The following OSBPL2 variants were observed in gnomAD, a reference collection of about 807,000 sequenced individuals.
The protein encoded by OSBPL2 is oxysterol binding protein like 2.
In OSBPL2, 18 loss-of-function variants were observed where a neutral mutation model predicts 58.4. The ratio of observed to expected loss-of-function variants is 0.31; its 90% CI spans 0.21 to 0.46. The LOEUF is 0.46. OSBPL2 is among the 20% of genes least tolerant of loss of function. OSBPL2 has a pLI of 1.00. For synonymous variants in OSBPL2, 221 were observed against 234.1 expected, an observed-to-expected ratio of 0.94 and a Z score of 0.51; for missense variants, 461 against 616.5, an observed-to-expected ratio of 0.75 and a Z score of 2.67.
intron 13 of OSBPL2, among the ~76,000 whole-genome samples, chr20:62,293,195 T>C (rs56237636): frequency 0.38 from 57,762 of 150,512 alleles, 12,374 homozygotes; most frequent in East Asian, 0.52. Flanking sequence ...TTAAAAAAAA[T>C]ATACTGTGAA....
In OSBPL2 at chr20:62,269,861, G is replaced by A. The variant is rs931885607; in HGVS notation, c.259-2264G>A. On this transcript the variant is annotated intron_variant, in intron 4 of 13. Transcript: ENST00000313733. The surrounding 1 kb of genome is among the most constrained non-coding windows in gnomAD (Gnocchi z 4.2). ...AGTCTTGGCCACACCCATGTGCCGGGGCTGCCTCAGTTGGAATCCAGTTCT... is the reference window on the plus strand; with the variant it reads ...AGTCTTGGCCACACCCATGTGCCGGAGCTGCCTCAGTTGGAATCCAGTTCT... Among the ~76,000 whole-genome samples, 12 of 152,230 alleles carry A rather than the reference G, an allele frequency of 7.9e-5. No homozygotes were observed. Among genetic ancestry groups the A allele is most frequent in the African/African-American group, 2.9e-4 (12 of 41,462 alleles).
chr20:62,291,801 C>T lies in OSBPL2; in HGVS notation c.1340+8C>T. 7.0e-7 allele frequency: 1 copy of T among 1,426,672 alleles called. No homozygotes were observed. The highest frequency in any genetic ancestry group is 3.2e-5 in the East Asian group (1 of 31,686). The allele number at this position is 1,426,672 out of a possible 1,614,324, so 88.4% of individuals were successfully genotyped here. Reference sequence around the variant, plus strand: ...GGCAGAGTGGCAGACGAGGTGAGTACTGTGGTAGCCACGCAGGCTGGGGCA... The same window carrying T: ...GGCAGAGTGGCAGACGAGGTGAGTATTGTGGTAGCCACGCAGGCTGGGGCA... On this transcript the variant is annotated splice_region_variant and intron_variant, in intron 13 of 13. Transcript: ENST00000313733.
chr20:62,248,573 C>A (rs1980307883), intron 1 of OSBPL2, among the ~76,000 whole-genome samples: 2 of 152,338 alleles, frequency 1.3e-5, no homozygotes, highest in South Asian at 4.1e-4. Context: ...TTCTGATGGA[C>A]AGAGTAACAA....
At chr20:62,248,628 G>A (rs1306428962) in intron 1 of OSBPL2, among the ~76,000 whole-genome samples, 3 of 152,206 alleles carry the variant, frequency 2.0e-5, no homozygotes, top group African/African-American at 7.2e-5. Flanking sequence ...GGTCAGCACC[G>A]GATCCCCAGT....
At position 62,294,221 on chromosome 20, in the gene OSBPL2, A is replaced by G. The variant is rs879594453; in HGVS notation, c.*334A>G. ...ACTCTCAGTCATAGCATGTGTAGCT[A>G]AAGGAAGTAATGGGAAGGGGTTCAT... On this transcript the variant is annotated 3_prime_UTR_variant, in exon 14 of 14. Transcript: ENST00000313733. The G allele has an allele frequency of 5.9e-6, 2 of 340,664 alleles. No homozygotes were observed. The highest frequency in any genetic ancestry group is 2.2e-5 in the African/African-American group (1 of 46,180). 21.1% of individuals were successfully genotyped at this position (340,664 alleles called of 1,614,324 possible).
chr20:62,268,234 G>A (rs962604175), intron 4 of OSBPL2, among the ~76,000 whole-genome samples: 2 of 152,024 alleles, frequency 1.3e-5, no homozygotes, highest in Non-Finnish European at 2.9e-5. Context: ...GTGCTTCTTC[G>A]CTGGGTGATT....
At chr20:62,256,334 T>A (rs1980921781) in intron 2 of OSBPL2, 113 bp downstream of exon 2, 2 of 904,454 alleles carry the variant, frequency 2.2e-6, no homozygotes, top group Non-Finnish European at 3.4e-6. Flanking sequence ...AGTGTGTGGG[T>A]GAGCGTTCAC....
chr20:62,286,963 C>T (rs1239216339), intron 11 of OSBPL2, among the ~76,000 whole-genome samples: 1 of 152,236 alleles, frequency 6.6e-6, no homozygotes, highest in African/African-American at 2.4e-5. Context: ...ATAGGACATG[C>T]AGGTCGAGGT....
At chr20:62,251,200 C>T (rs1980508615) in intron 1 of OSBPL2, among the ~76,000 whole-genome samples, 1 of 150,772 alleles carries the variant, frequency 6.6e-6, no homozygotes, top group Non-Finnish European at 1.5e-5. Context: ...CCTGCCACTG[C>T]GCCGGCCACC....
intron 1 of OSBPL2, among the ~76,000 whole-genome samples, chr20:62,243,829 T>G (rs1393442623): frequency 6.9e-6 from 1 of 144,484 alleles, no homozygotes; most frequent in African/African-American, 2.6e-5. Context: ...AAAATTTTTT[T>G]TCCTGTTTTT....
chr20:62,244,738 G>A (rs1165138994), intron 1 of OSBPL2, among the ~76,000 whole-genome samples: 5 of 152,266 alleles, frequency 3.3e-5, no homozygotes, highest in Non-Finnish European at 5.9e-5. Flanking sequence ...TGAGTGGGGC[G>A]CTAGGCTCCG....
Position 62,282,969 on chromosome 20 carries a change from T to G in OSBPL2, c.873-1077T>G, listed in dbSNP as rs190114055. ...CATAAAACATGTGAGGATCAACATGTGGACCTAGAAGGGACAGCAGTCTTA... is the reference window on the plus strand; with the variant it reads ...CATAAAACATGTGAGGATCAACATGGGGACCTAGAAGGGACAGCAGTCTTA... On this transcript the variant is annotated intron_variant, in intron 9 of 13. Transcript: ENST00000313733. 3.2e-3 allele frequency among the ~76,000 whole-genome samples: 483 copies of G among 152,320 alleles called. 2 individuals carry two copies. The highest frequency in any genetic ancestry group is 0.011 in the African/African-American group (471 of 41,554).
intron 7 of OSBPL2, chr20:62,280,216 G>C (rs1982693367): frequency 6.7e-6 from 6 of 889,318 alleles, no homozygotes; most frequent in Non-Finnish European, 7.7e-6. Flanking sequence ...CACCTTGCCT[G>C]ATGAAGCATT....
At chr20:62,290,411 G>GTTTTTTTTTTTTTTTTTTTTTTTT (rs3065795) in intron 12 of OSBPL2, among the ~76,000 whole-genome samples, 1 of 76,376 alleles carries the variant, frequency 1.3e-5, no homozygotes, top group Non-Finnish European at 2.3e-5. Flanking sequence ...AATTTTTTGG[G>GTTTTTTTTTTTTTTTTTTTTTTTT]TTTTTTTTTT....
intron 6 of OSBPL2, among the ~76,000 whole-genome samples, chr20:62,277,406 G>C (rs952322812): frequency 6.6e-6 from 1 of 152,372 alleles, no homozygotes; most frequent in East Asian, 1.9e-4. Flanking sequence ...ACCCGGGGCC[G>C]GAGCTCCTGC....
intron 4 of OSBPL2, among the ~76,000 whole-genome samples, chr20:62,267,698 T>C (rs1981771408): frequency 6.6e-6 from 1 of 152,176 alleles, no homozygotes; most frequent in Non-Finnish European, 1.5e-5. Context: ...AGTCCCAGTT[T>C]TCTGCAGCCC....
At chr20:62,265,499 G>A (rs1981605372) in intron 4 of OSBPL2, among the ~76,000 whole-genome samples, 1 of 152,142 alleles carries the variant, frequency 6.6e-6, no homozygotes, top group South Asian at 2.1e-4. Flanking sequence ...CACTTCCCCA[G>A]GGAGCCCATT....
intron 1 of OSBPL2, among the ~76,000 whole-genome samples, chr20:62,255,778 T>C (rs1364987276): frequency 1.3e-5 from 2 of 152,262 alleles, no homozygotes; most frequent in African/African-American, 4.8e-5. Context: ...GTGCTGGGAT[T>C]ACAGGCGTGA....
chr20:62,274,764 A>G (rs1982279516), intron 6 of OSBPL2, among the ~76,000 whole-genome samples: 1 of 152,268 alleles, frequency 6.6e-6, no homozygotes, highest in South Asian at 2.1e-4. Flanking sequence ...TCTGCTGTGC[A>G]GAATGCAAGC....
Sources: allele counts gnomAD v4.1 joint callset (sites outside exome capture counted in the v4.1 genomes callset), GRCh38; gene constraint gnomAD v4.1.1; non-coding constraint Gnocchi (gnomAD v3.1); transcripts MANE v1.5; gene names NCBI Gene and HGNC (gene_info 2026-07-23, HGNC 2026-07-21).